The following FANCA variants were observed in gnomAD, a reference collection of about 807,000 sequenced individuals.
The protein encoded by FANCA is Fanconi anemia group A protein.
In FANCA, 236 loss-of-function variants were observed where a neutral mutation model predicts 194.3. The ratio of observed to expected loss-of-function variants is 1.21; its 90% CI spans 1.09 to 1.35. FANCA has a LOEUF of 1.35. Among genes scored for constraint, FANCA ranks in the 40% most tolerant of loss-of-function variants. The pLI is 0.00. For missense variants in FANCA, 2,628 were observed against 1,813.9 expected (o/e 1.45, Z -8.15); for synonymous variants, 1,014 against 715.8 (o/e 1.42, Z -6.65).
rs1567653413 is a variant in FANCA at position 89,810,686 on chromosome 16, GATTT to G, written c.522+17_522+20del. The G allele has an allele frequency of 1.4e-6, 2 of 1,476,498 alleles. No individual in the cohort carries two copies. The highest frequency in any genetic ancestry group is 4.5e-5 in the East Asian group (2 of 44,246). 91.5% of individuals were successfully genotyped at this position (1,476,498 alleles called of 1,614,324 possible). ...CATTGCCTGGAACACTGGAGAGTCA[GATTT>G]GCAATCTCAAATTTACCTGTATTTT... is the stretch of plus-strand genomic sequence containing the variant. On this transcript the variant is annotated intron_variant, in intron 5 of 42. Coordinates refer to ENST00000389301, the MANE Select transcript of FANCA (RefSeq NM_000135.4).
Position 89,744,107 on chromosome 16 carries a change from C to G in FANCA, c.3626+852G>C, listed in dbSNP as rs537187466. Among the ~76,000 whole-genome samples the G allele has an allele frequency of 1.2e-4, 18 of 152,276 alleles. No homozygotes were observed. The South Asian group carries it at 3.7e-3, about 32-fold the overall frequency. On this transcript the variant is annotated intron_variant, in intron 36 of 42. Transcript: ENST00000389301. The stretch of plus-strand genomic sequence containing the variant: ...GAGATTGTTTCACATGTTGGCCAGG[C>G]TGGTCTCAAACTCCTGACCTCAGGT...
At chr16:89,783,841 G>A (rs1019502302) in intron 15 of FANCA, among the ~76,000 whole-genome samples, 1 of 151,994 alleles carries the variant, frequency 6.6e-6, no homozygotes, top group African/African-American at 2.4e-5. Context: ...TCGGCTCACT[G>A]CAACCTCCGC....
chr16:89,743,055 G>A, intron 36 of FANCA, 117 bp from the exon 37 acceptor site: 4 of 1,251,120 alleles, frequency 3.2e-6, no homozygotes, highest in Non-Finnish European at 4.4e-6. Context: ...TCAGAGGACA[G>A]AGAAGGGTTT....
chr16:89,799,608 T>A lies in FANCA; in HGVS notation c.823A>T (p.Ile275Phe), dbSNP rs761503787. 1 of 1,613,498 alleles carries A rather than the reference T, an allele frequency of 6.2e-7. No individual in the cohort carries two copies. Among genetic ancestry groups the A allele is most frequent in the East Asian group, 2.2e-5 (1 of 44,878 alleles). ...VTVDVLQRML[I>F]FALDALAAGV... ...GGCTGCAGTGCAATTAACTTACAAA[T>A]CAGCATTCTCTGCAGTACATCAACC... is the stretch of plus-strand genomic sequence containing the variant. The change falls in exon 9 of 43, where the codon ATT becomes TTT. Residue 275 changes from isoleucine to phenylalanine, a missense_variant. Ile to Phe is a conservative substitution (Grantham distance 21). Transcript: ENST00000389301.
chr16:89,776,690 G>T (rs889759838), intron 20 of FANCA, among the ~76,000 whole-genome samples: 2 of 151,814 alleles, frequency 1.3e-5, no homozygotes, highest in African/African-American at 4.8e-5. Context: ...AATTAGCCGG[G>T]CGTGGTGGCG....
intron 28 of FANCA, among the ~76,000 whole-genome samples, chr16:89,762,485 T>C (rs1031083424): frequency 1.3e-5 from 2 of 151,454 alleles, no homozygotes; most frequent in Non-Finnish European, 2.9e-5. Context: ...TCCCAGCCTC[T>C]TGGGAGGCTG....
At chr16:89,772,568 G>A (rs2039362398) in intron 22 of FANCA, among the ~76,000 whole-genome samples, 1 of 152,060 alleles carries the variant, frequency 6.6e-6, no homozygotes, top group Non-Finnish European at 1.5e-5. Flanking sequence ...TGAAATCCCA[G>A]CACTTTGGGA....
rs71137673 is a variant in FANCA, at chr16:89,759,318, T to TAAAAAAAAAAAAAAA, written c.2853-628_2853-614dup. Among the ~76,000 whole-genome samples the TAAAAAAAAAAAAAAA allele has an allele frequency of 4.3e-4, 32 of 75,202 alleles. 1 individual carries two copies. Among genetic ancestry groups the TAAAAAAAAAAAAAAA allele is most frequent in the Non-Finnish European group, 8.0e-4 (31 of 38,986 alleles). The allele number at this position is 75,202 out of a possible 152,430, so 49.3% of individuals were successfully genotyped here. A position where few individuals can be genotyped will look rare whatever the true frequency, so the allele number is the denominator to read the frequency against. On this transcript the variant is annotated intron_variant, in intron 29 of 42. Coordinates refer to ENST00000389301, the MANE Select transcript of FANCA (RefSeq NM_000135.4). ...TTGGGCAACAGAGCGAGACTCCGTC[T>TAAAAAAAAAAAAAAA]AAAAAAAAAAAAAAAAAAAAAAAAA...
intron 24 of FANCA, 77 bp from the exon 25 acceptor site, chr16:89,770,336 A>G (rs2039281523): frequency 1.5e-6 from 2 of 1,340,248 alleles, no homozygotes; most frequent in African/African-American, 2.9e-5. Context: ...TCCAACCACC[A>G]GCGGCCGAAG....
chr16:89,753,644 T>C lies in FANCA; in HGVS notation c.2982-1422A>G, dbSNP rs959591293. Reference sequence around the variant, plus strand: ...TTCTCAATCTAGTGCCTGGCATGGATGAAAACCCACAGCAAACGTCAGATT... The same window carrying C: ...TTCTCAATCTAGTGCCTGGCATGGACGAAAACCCACAGCAAACGTCAGATT... On this transcript the variant is annotated intron_variant, in intron 30 of 42. Transcript: ENST00000389301. 2.6e-5 allele frequency among the ~76,000 whole-genome samples: 4 copies of C among 152,216 alleles called. No homozygotes were observed. The East Asian group carries it at 7.7e-4, about 29-fold the overall frequency.
chr16:89,748,103 G>A (rs2038453256), intron 33 of FANCA, among the ~76,000 whole-genome samples: 1 of 152,120 alleles, frequency 6.6e-6, no homozygotes, highest in South Asian at 2.1e-4. Context: ...GTAGAAACAG[G>A]GTTTTGTCAT....
chr16:89,780,938 A>C (rs532570000), intron 17 of FANCA, among the ~76,000 whole-genome samples: 2 of 152,156 alleles, frequency 1.3e-5, no homozygotes, highest in Non-Finnish European at 2.9e-5. Flanking sequence ...TCAAAAAAAA[A>C]AAAAAAGTAA....
At position 89,792,488 on chromosome 16, in the gene FANCA, T is replaced by A. The variant is rs1381381995; in HGVS notation, c.1066A>T (p.Thr356Ser). The A allele has an allele frequency of 1.3e-5, 21 of 1,613,360 alleles. No homozygotes were observed. The highest frequency in any genetic ancestry group is 2.2e-5 in the East Asian group (1 of 44,874). ...WSFARTHPLL[T>S]SLYRRLFVML... ...CCACTCACCCTGCGGTACAGTGAGG[T>A]GAGCAGAGGGTGTGTCCGCGCAAAG... The change falls in exon 12 of 43, where the codon ACC (threonine) becomes TCC (serine). Residue 356 changes from threonine (T) to serine (S), a missense_variant. Transcript: ENST00000389301.
chr16:89,737,942 C>T lies in FANCA; in HGVS notation c.*659G>A, dbSNP rs2062001371. ...TCAGGACCCCCTCCCAGGGCTGTGG[C>T]CCTCGCACCTTCTTATCTGCCTCTG... On this transcript the variant is annotated 3_prime_UTR_variant, in exon 43 of 43. Coordinates refer to ENST00000389301, the MANE Select transcript of FANCA (RefSeq NM_000135.4). 1.9e-6 allele frequency: 3 copies of T among 1,613,814 alleles called. No homozygotes were observed. Among genetic ancestry groups the T allele is most frequent in the South Asian group, 1.1e-5 (1 of 91,072 alleles).
chr16:89,780,062 G>C (rs1323476982), intron 17 of FANCA, 105 bp from the exon 18 acceptor site: 1 of 1,020,078 alleles, frequency 9.8e-7, no homozygotes, highest in Non-Finnish European at 1.5e-6. Flanking sequence ...GAAAGGCTCT[G>C]TACACATTAA....
chr16:89,785,860 T>TTTTG (rs1231126549), intron 14 of FANCA, among the ~76,000 whole-genome samples: 2 of 144,500 alleles, frequency 1.4e-5, no homozygotes, highest in African/African-American at 2.6e-5. Context: ...TGTGTTTTGT[T>TTTTG]TTTTTTTTTT....
intron 4 of FANCA, 47 bp downstream of exon 4, chr16:89,810,882 T>G: frequency 6.2e-7 from 1 of 1,614,098 alleles, no homozygotes; most frequent in Non-Finnish European, 8.5e-7. Flanking sequence ...CCCAACCAGC[T>G]TAAAAGTAAC....
chr16:89,767,659 C>G (rs1345349393), intron 26 of FANCA, among the ~76,000 whole-genome samples: 1 of 152,192 alleles, frequency 6.6e-6, no homozygotes, highest in Non-Finnish European at 1.5e-5. Flanking sequence ...AGCAATTCTC[C>G]TGCCTCAGTC....
Position 89,748,720 on chromosome 16 carries a change from T to C in FANCA, c.3287A>G (p.Gln1096Arg), listed in dbSNP as rs1598074664. The change falls in exon 33 of 43, where the codon CAG becomes CGG. Residue 1096 changes from glutamine to arginine, a missense_variant. Gln to Arg is a conservative substitution (Grantham distance 43). Coordinates refer to ENST00000389301, the MANE Select transcript of FANCA (RefSeq NM_000135.4). ...PSSVLCGSSF[Q>R]AEQPITARCE... ...TCTGGCAGTGATGGGCTGTTCTGCC[T>C]GGAAGCTGCTGCCGCAGAGGACAGA... The C allele has an allele frequency of 1.9e-6, 3 of 1,614,108 alleles. No homozygotes were observed. Among genetic ancestry groups the C allele is most frequent in the African/African-American group, 1.3e-5 (1 of 75,050 alleles).
Sources: gnomAD v4.1 joint callset for allele counts (sites outside exome capture counted in the v4.1 genomes callset) on GRCh38, gnomAD v4.1.1 for gene constraint, MANE v1.5 for transcripts, NCBI Gene and HGNC (gene_info 2026-07-23, HGNC 2026-07-21) for gene names.